The following RNF157 variants were observed in gnomAD, a reference collection of about 807,000 sequenced individuals.
RNF157 encodes the protein E3 ubiquitin ligase RNF157.
RNF157 carries 55 observed loss-of-function variants against 88.3 expected under a neutral mutation model. That is an observed-to-expected ratio of 0.62 (90% CI 0.50 to 0.78). The LOEUF is 0.78. RNF157 is among the 30% of genes least tolerant of loss of function. The pLI is 0.00. For missense variants in RNF157, 788 were observed against 860.8 expected (o/e 0.92, Z 1.06); for synonymous variants, 334 against 341.2 (o/e 0.98, Z 0.23).
chr17:76,169,863 G>T (rs893637229), intron 3 of RNF157, among the ~76,000 whole-genome samples: 1 of 152,226 alleles, frequency 6.6e-6, no homozygotes. Flanking sequence ...TTATAGGCGT[G>T]AGCCACCGCA....
intron 6 of RNF157, 86 bp from the exon 7 acceptor site, chr17:76,165,631 C>A: frequency 2.1e-6 from 3 of 1,430,276 alleles, no homozygotes; most frequent in Admixed American, 1.7e-5. Context: ...TGCAATCTGG[C>A]AAACCAAATG....
At position 76,167,744 on chromosome 17, in the gene RNF157, T is replaced by C. The variant is rs755840128; in HGVS notation, c.350A>G (p.His117Arg). The stretch of plus-strand genomic sequence containing the variant: ...GTCAAAGGTGAACTCAACATTGTAG[T>C]GGACTTTAGCTTTACTGGCCTCTTC... Reference protein sequence around the residue: ...PGEEASKAKVHYNVEFTFDTD... With the variant: ...PGEEASKAKVRYNVEFTFDTD... Residue 117 changes from histidine (H) to arginine (R), a missense_variant, in exon 4 of 19, where the codon CAC (histidine) becomes CGC (arginine). Transcript: ENST00000269391. The C allele has an allele frequency of 3.1e-6, 5 of 1,614,168 alleles. No individual in the cohort carries two copies. Among genetic ancestry groups the C allele is most frequent in the Admixed American group, 3.3e-5 (2 of 60,028 alleles).
chr17:76,166,480 G>A lies in RNF157; in HGVS notation c.609C>T (p.Ala203=), dbSNP rs148857256. The change falls in exon 6 of 19, where the codon GCC becomes GCT. Residue 203 remains alanine (A), a synonymous_variant. Coordinates refer to ENST00000269391, the MANE Select transcript of RNF157 (RefSeq NM_052916.3). Reference sequence around the variant, plus strand: ...CCCTACCGTCTCCTTCATCCACCACGGCATGTACCACTAGAGGGTAAACTT... The same window carrying A: ...CCCTACCGTCTCCTTCATCCACCACAGCATGTACCACTAGAGGGTAAACTT... ...DREVYPLVVH[A]VVDEGDEYFG... 1.5e-4 allele frequency: 237 copies of A among 1,613,880 alleles called. No homozygotes were observed. The African/African-American group carries it at 2.6e-3, about 18-fold the overall frequency.
intron 1 of RNF157, among the ~76,000 whole-genome samples, chr17:76,215,874 C>T (rs932660960): frequency 2.0e-5 from 3 of 151,222 alleles, no homozygotes; most frequent in African/African-American, 7.4e-5. Context: ...AGTGATACAA[C>T]AGCAGAATTC....
intron 1 of RNF157, among the ~76,000 whole-genome samples, chr17:76,233,055 TGA>T (rs1206470715): frequency 6.6e-6 from 1 of 151,974 alleles, no homozygotes; most frequent in East Asian, 1.9e-4. Context: ...TGAGTAGCTG[TGA>T]CTACAGGTAC....
Position 76,176,704 on chromosome 17 carries a change from C to T in RNF157, c.208-2914G>A, listed in dbSNP as rs1211398304. On this transcript the variant is annotated intron_variant, in intron 2 of 18. Coordinates refer to ENST00000269391, the MANE Select transcript of RNF157 (RefSeq NM_052916.3). The surrounding 1 kb of genome is among the most constrained non-coding windows in gnomAD (Gnocchi z 4.2). ...GGGTTACCCACCAGCAGAGGAGCAG[C>T]GTGGCAGAAGAGCAGCGCGGTAGGG... Among the ~76,000 whole-genome samples the T allele has an allele frequency of 6.6e-6, 1 of 152,146 alleles. No homozygotes were observed.
chr17:76,155,250 A>AC lies in RNF157; in HGVS notation c.1764+1dup. The AC allele has an allele frequency of 6.2e-7, 1 of 1,613,858 alleles. No individual in the cohort carries two copies. The highest frequency in any genetic ancestry group is 2.2e-5 in the East Asian group (1 of 44,878). ...GGCACCACTCCGTGCTGTTGGGGTT[A>AC]CCTCTGCATCCTGCTCTCCAGCTGG... On this transcript the variant is annotated splice_donor_variant, in intron 16 of 18. Transcript: ENST00000269391. LOFTEE classifies it high-confidence loss of function.
intron 2 of RNF157, among the ~76,000 whole-genome samples, chr17:76,198,209 G>A (rs1179200047): frequency 6.6e-6 from 1 of 152,196 alleles, no homozygotes; most frequent in African/African-American, 2.4e-5. Flanking sequence ...AGCAGGACCT[G>A]GAGGATGTGT....
intron 2 of RNF157, among the ~76,000 whole-genome samples, chr17:76,210,799 G>A (rs1008485313): frequency 1.2e-4 from 18 of 151,720 alleles, no homozygotes; most frequent in African/African-American, 3.4e-4. Context: ...TAACACAGCC[G>A]CCACCTACCT....
chr17:76,239,870 GT>G (rs2070347644), intron 1 of RNF157, among the ~76,000 whole-genome samples: 1 of 152,144 alleles, frequency 6.6e-6, no homozygotes. Context: ...ACGCGTCCCC[GT>G]CACGGGGCCG....
intron 18 of RNF157, 133 bp downstream of exon 18, chr17:76,152,222 T>C: frequency 1.5e-6 from 1 of 665,026 alleles, no homozygotes; most frequent in South Asian, 1.8e-5. Context: ...GCAACTGGTC[T>C]CCAGCACTAG....
rs1287618118 is a variant in RNF157 at position 76,160,957 on chromosome 17, T to G, written c.1065+578A>C. On this transcript the variant is annotated intron_variant, in intron 11 of 18. Coordinates refer to ENST00000269391, the MANE Select transcript of RNF157 (RefSeq NM_052916.3). The surrounding 1 kb of genome is among the most constrained non-coding windows in gnomAD (Gnocchi z 4.3). ...AGGAGTAAAGTGCTAAACTAATTTT[T>G]CCTCCTGAAATAGCTAACTAATTAT... is the stretch of plus-strand genomic sequence containing the variant. Among the ~76,000 whole-genome samples, 1 of 152,238 alleles carries G rather than the reference T, an allele frequency of 6.6e-6. No individual in the cohort carries two copies. The highest frequency in any genetic ancestry group is 1.5e-5 in the Non-Finnish European group (1 of 68,040).
At chr17:76,235,739 TA>T (rs2145089317) in intron 1 of RNF157, among the ~76,000 whole-genome samples, 1 of 152,314 alleles carries the variant, frequency 6.6e-6, no homozygotes, top group South Asian at 2.1e-4. Flanking sequence ...CTGGGTACGG[TA>T]GATCACTTCT....
intron 1 of RNF157, among the ~76,000 whole-genome samples, chr17:76,227,053 A>G (rs927898693): frequency 6.6e-6 from 1 of 152,074 alleles, no homozygotes; most frequent in Non-Finnish European, 1.5e-5. Context: ...GCACGTGCGG[A>G]AAAAACTACA....
chr17:76,222,515 A>G (rs1402915907), intron 1 of RNF157, among the ~76,000 whole-genome samples: 1 of 152,172 alleles, frequency 6.6e-6, no homozygotes, highest in Non-Finnish European at 1.5e-5. Flanking sequence ...TCAGGTTATA[A>G]TGCTGTCATT....
At chr17:76,224,578 T>C (rs1220268334) in intron 1 of RNF157, among the ~76,000 whole-genome samples, 1 of 152,178 alleles carries the variant, frequency 6.6e-6, no homozygotes, top group Non-Finnish European at 1.5e-5. Context: ...GCTACAGTGC[T>C]GCTTTTGTTC....
chr17:76,240,115 T>C lies in RNF157; in HGVS notation c.88+38A>G. ...CGACCCAGACCCCTGCCCCTGCCCC[T>C]CTCCCTCCTCGCGGCTGCGGCGCCC... On this transcript the variant is annotated intron_variant, in intron 1 of 18. Transcript: ENST00000269391. The surrounding 1 kb of genome is among the most constrained non-coding windows in gnomAD (Gnocchi z 4.4). The C allele has an allele frequency of 8.2e-7, 1 of 1,216,090 alleles. No homozygotes were observed. The highest frequency in any genetic ancestry group is 3.2e-5 in the South Asian group (1 of 31,272). 75.3% of individuals were successfully genotyped at this position (1,216,090 alleles called of 1,614,324 possible).
chr17:76,192,811 G>T (rs1385220480), intron 2 of RNF157, among the ~76,000 whole-genome samples: 1 of 150,056 alleles, frequency 6.7e-6, no homozygotes, highest in African/African-American at 2.5e-5. Flanking sequence ...GAAGACACAG[G>T]TTCTTGTTTC....
chr17:76,182,283 A>T (rs1026686966), intron 2 of RNF157, among the ~76,000 whole-genome samples: 8 of 151,884 alleles, frequency 5.3e-5, no homozygotes, highest in African/African-American at 1.5e-4. Flanking sequence ...TACGTGAGCA[A>T]CTCCTCTTTG....
Sources: gnomAD v4.1 joint callset for allele counts (sites outside exome capture counted in the v4.1 genomes callset) on GRCh38, gnomAD v4.1.1 for gene constraint, Gnocchi (gnomAD v3.1) non-coding constraint, MANE v1.5 for transcripts, NCBI Gene and HGNC (gene_info 2026-07-23, HGNC 2026-07-21) for gene names.